Variants in HDAC5 observed in about 807,000 individuals in gnomAD.
HDAC5 encodes the protein antigen NY-CO-9.
A neutral mutation model predicts 133.3 loss-of-function variants in HDAC5; 25 were observed. That is an observed-to-expected ratio of 0.19 (90% confidence interval 0.14 to 0.26). The LOEUF (loss-of-function observed/expected upper bound fraction) is 0.26, where lower values mean the gene tolerates loss of function less well. Among genes scored for constraint, HDAC5 ranks in the 10% least tolerant of loss-of-function variants. The pLI, the probability that HDAC5 is intolerant of heterozygous loss-of-function variation, is 1.00. For synonymous variants in HDAC5, 589 were observed against 610.8 expected, an observed-to-expected ratio of 0.96 and a Z score of 0.53; for missense variants, 1,041 against 1,460.5, an observed-to-expected ratio of 0.71 and a Z score of 4.68.
At chr17:44,110,513 A>G (rs960074086) in intron 3 of HDAC5, among the ~76,000 whole-genome samples, 2 of 152,230 alleles carry the variant, frequency 1.3e-5, no homozygotes, top group Non-Finnish European at 2.9e-5. Context: ...GAGATGCAGC[A>G]GAGTACAGCG....
chr17:44,079,745 TAATAA>T (rs1178324948), intron 23 of HDAC5, among the ~76,000 whole-genome samples: 2 of 151,254 alleles, frequency 1.3e-5, no homozygotes, highest in Admixed American at 1.3e-4. Flanking sequence ...AATATATCCA[TAATAA>T]AATACAGCAT....
intron 3 of HDAC5, among the ~76,000 whole-genome samples, chr17:44,098,640 T>C (rs1195111646): frequency 6.7e-6 from 1 of 149,412 alleles, no homozygotes; most frequent in Non-Finnish European, 1.5e-5. Context: ...CTCAGGAGGC[T>C]GAGGCAGGGA....
At chr17:44,102,368 T>C (rs1463920221) in intron 3 of HDAC5, among the ~76,000 whole-genome samples, 2 of 152,210 alleles carry the variant, frequency 1.3e-5, no homozygotes, top group African/African-American at 2.4e-5. Flanking sequence ...GTTCCCTTTT[T>C]CTTTTTTTCT....
chr17:44,088,728 G>A lies in HDAC5; in HGVS notation c.1388-130C>T, dbSNP rs2050789652. The A allele has an allele frequency of 5.2e-6, 7 of 1,345,044 alleles. No individual in the cohort carries two copies. In the East Asian group the frequency reaches 1.5e-4, roughly 29 times the overall value. 83.3% of individuals were successfully genotyped at this position (1,345,044 alleles called of 1,614,324 possible). A position where few individuals can be genotyped will look rare whatever the true frequency, so the allele number is the denominator to read the frequency against. The stretch of plus-strand genomic sequence containing the variant: ...CTATATACTCAGGAAAAACCCTGGG[G>A]GACCTGAAGCACCCCCCACCCAAAC... On this transcript the variant is annotated intron_variant, in intron 11 of 26. Coordinates refer to ENST00000682912, the MANE Select transcript of HDAC5 (RefSeq NM_005474.5).
chr17:44,095,733 C>T (rs2051229475), intron 3 of HDAC5, among the ~76,000 whole-genome samples: 1 of 151,372 alleles, frequency 6.6e-6, no homozygotes. Flanking sequence ...GATGGGCGGG[C>T]AGGCAGCAGG....
intron 14 of HDAC5, chr17:44,085,449 C>T (rs766477230): frequency 5.5e-5 from 14 of 252,534 alleles, no homozygotes; most frequent in Non-Finnish European, 8.3e-5. Flanking sequence ...TGGGCTCAAG[C>T]GATCCTCCCA....
chr17:44,081,362 G>A (rs539206634), intron 20 of HDAC5, among the ~76,000 whole-genome samples: 78 of 151,792 alleles, frequency 5.1e-4, no homozygotes, highest in African/African-American at 1.8e-3. Flanking sequence ...CGATTCTCCT[G>A]CCTCAGCCTC....
Position 44,117,687 on chromosome 17 carries a change from G to A in HDAC5, c.-172C>T. On this transcript the variant is annotated 5_prime_UTR_variant, in exon 2 of 27. Coordinates refer to ENST00000682912, the MANE Select transcript of HDAC5 (RefSeq NM_005474.5). This position sits in a 1 kb window ranked among gnomAD's most constrained non-coding sequence, Gnocchi z 4.2. Reference sequence around the variant, plus strand: ...CCATCCTTCGGGGCGAGGCAGTCAGGCACTCAGAACGGCATCCCTGGGGAG... The same window carrying A: ...CCATCCTTCGGGGCGAGGCAGTCAGACACTCAGAACGGCATCCCTGGGGAG... 1 of 693,728 alleles carries A rather than the reference G, an allele frequency of 1.4e-6. No individual in the cohort carries two copies. The highest frequency in any genetic ancestry group is 2.6e-6 in the Non-Finnish European group (1 of 391,006). 43.0% of individuals were successfully genotyped at this position (693,728 alleles called of 1,614,324 possible). A position where few individuals can be genotyped will look rare whatever the true frequency, so the allele number is the denominator to read the frequency against.
chr17:44,117,354 G>T lies in HDAC5; in HGVS notation c.22+140C>A. ...AGGTCTACCTCATGGGCCCTTTCTTGCAACACTTCTCCACTCCTTACCCCC... is the reference window on the plus strand; with the variant it reads ...AGGTCTACCTCATGGGCCCTTTCTTTCAACACTTCTCCACTCCTTACCCCC... On this transcript the variant is annotated intron_variant, in intron 2 of 26. Transcript: ENST00000682912. The surrounding 1 kb of genome is among the most constrained non-coding windows in gnomAD (Gnocchi z 4.2). The T allele has an allele frequency of 2.1e-6, 2 of 967,952 alleles. No individual in the cohort carries two copies. The highest frequency in any genetic ancestry group is 3.3e-6 in the Non-Finnish European group (2 of 604,090). The allele number at this position is 967,952 out of a possible 1,614,324, so 60.0% of individuals were successfully genotyped here. A position where few individuals can be genotyped will look rare whatever the true frequency, so the allele number is the denominator to read the frequency against.
intron 3 of HDAC5, among the ~76,000 whole-genome samples, chr17:44,097,841 C>T (rs1211960282): frequency 6.6e-6 from 1 of 152,246 alleles, no homozygotes; most frequent in Non-Finnish European, 1.5e-5. Context: ...AGGAGCCCTG[C>T]AGAGAGCACA....
At chr17:44,104,660 T>C (rs425038) in intron 3 of HDAC5, among the ~76,000 whole-genome samples, 92,321 of 152,230 alleles carry the variant, frequency 0.61, 32,011 homozygotes, top group South Asian at 0.88. Context: ...TCTGTGCTCT[T>C]GGCTCAGGCC....
chr17:44,082,414 T>C (rs563964468), intron 20 of HDAC5, 171 bp downstream of exon 20: 4 of 604,692 alleles, frequency 6.6e-6, no homozygotes, highest in African/African-American at 1.8e-5. Context: ...AATGTGACGT[T>C]AGTCATCCGG....
intron 1 of HDAC5, among the ~76,000 whole-genome samples, chr17:44,119,128 G>A (rs1350572891): frequency 1.3e-5 from 2 of 152,240 alleles, no homozygotes; most frequent in Admixed American, 1.3e-4. Flanking sequence ...GACGGGCACA[G>A]GTATGGGATT....
intron 2 of HDAC5, chr17:44,115,917 C>G (rs909199511): frequency 3.9e-5 from 6 of 152,354 alleles, no homozygotes; most frequent in Admixed American, 3.9e-4. Flanking sequence ...TTGGTGGACA[C>G]GTCCAGCTCC....
At position 44,110,789 on chromosome 17, in the gene HDAC5, C is replaced by G; in HGVS notation, c.34G>C (p.Gly12Arg). ...AGGATTTCCAAGGATGGTTCCCGAC[C>G]TGACATCCCATCTGCTGAGAAACAG... ...NSPNESDGMS[G>R]REPSLEILPR... Residue 12 changes from glycine (G) to arginine (R), a missense_variant, in exon 3 of 27, where the codon GGT becomes CGT. Physicochemically the swap from Gly to Arg is moderately radical, Grantham distance 125 (BLOSUM62 -2). Coordinates refer to ENST00000682912, the MANE Select transcript of HDAC5 (RefSeq NM_005474.5). The G allele has an allele frequency of 6.2e-7, 1 of 1,613,770 alleles. No individual in the cohort carries two copies. Among genetic ancestry groups the G allele is most frequent in the Non-Finnish European group, 8.5e-7 (1 of 1,179,802 alleles).
chr17:44,088,642 C>G (rs1354556051), intron 11 of HDAC5, 44 bp from the exon 12 acceptor site: 1 of 1,585,796 alleles, frequency 6.3e-7, no homozygotes, highest in African/African-American at 1.3e-5. Context: ...GTCAGGGCAC[C>G]TGACTGCCCT....
At chr17:44,116,348 G>A (rs1490251609) in intron 2 of HDAC5, among the ~76,000 whole-genome samples, 1 of 152,198 alleles carries the variant, frequency 6.6e-6, no homozygotes, top group Non-Finnish European at 1.5e-5. Context: ...GGGCAGAGCT[G>A]GGCAGCCCAC....
rs2052748186 is a variant in HDAC5, at chr17:44,117,922, GGT to G, written c.-189-220_-189-219del. ...AGCCCAAGGGATAGGAAATGGCTAT[GGT>G]GGCCAAACCCAACAGACCCCTTTTC... On this transcript the variant is annotated intron_variant, in intron 1 of 26. Transcript: ENST00000682912. This position sits in a 1 kb window ranked among gnomAD's most constrained non-coding sequence, Gnocchi z 4.2. 6.6e-6 allele frequency among the ~76,000 whole-genome samples: 1 copy of G among 152,164 alleles called. No homozygotes were observed. The highest frequency in any genetic ancestry group is 1.9e-4 in the East Asian group (1 of 5,204).
At position 44,121,268 on chromosome 17, in the gene HDAC5, C is replaced by A. The variant is rs2052982099; in HGVS notation, c.-190+2236G>T. On this transcript the variant is annotated intron_variant, in intron 1 of 26. Coordinates refer to ENST00000682912, the MANE Select transcript of HDAC5 (RefSeq NM_005474.5). ...GTCCCCATTCAAGAAAGGGCTGCGG[C>A]TGGGCCTGGGGTGAGGTGGGATAGG... 1.3e-5 allele frequency among the ~76,000 whole-genome samples: 2 copies of A among 152,058 alleles called. 1 individual carries two copies. The highest frequency in any genetic ancestry group is 4.1e-4 in the South Asian group (2 of 4,820).
Sources: gnomAD v4.1 joint callset for allele counts (sites outside exome capture counted in the v4.1 genomes callset) on GRCh38, gnomAD v4.1.1 for gene constraint, Gnocchi (gnomAD v3.1) non-coding constraint, MANE v1.5 for transcripts, NCBI Gene and HGNC (gene_info 2026-07-23, HGNC 2026-07-21) for gene names.